The following ITPR1 variants were observed in gnomAD, a reference collection of about 807,000 sequenced individuals.
ITPR1 encodes the protein inositol 1,4,5-trisphosphate-gated calcium channel ITPR1.
ITPR1 carries 96 observed loss-of-function variants against 318.4 expected under a neutral mutation model. That is an observed-to-expected ratio of 0.30 (90% CI 0.26 to 0.36). The LOEUF (loss-of-function observed/expected upper bound fraction) is 0.36. Ranked by LOEUF, ITPR1 falls within the 10% of genes least tolerant of loss-of-function variation. The probability of loss-of-function intolerance (pLI) is 1.00; values close to 1 mark genes in which losing one functional copy is unlikely to be tolerated. For missense variants in ITPR1, 2,440 were observed against 3,460.2 expected, an observed-to-expected ratio of 0.71 and a Z score of 7.40; for synonymous variants, 1,312 against 1,289.9, an observed-to-expected ratio of 1.02 and a Z score of -0.37.
chr3:4,683,262 G>T (rs887995834), intron 26 of ITPR1, 124 bp from the exon 27 acceptor site: 1 of 895,652 alleles, frequency 1.1e-6, no homozygotes, highest in East Asian at 2.4e-5. Flanking sequence ...AATGAAAAGT[G>T]AAATTGCATG....
At chr3:4,816,693 T>TA (rs1301546749) in intron 59 of ITPR1, among the ~76,000 whole-genome samples, 1 of 152,240 alleles carries the variant, frequency 6.6e-6, no homozygotes, top group Non-Finnish European at 1.5e-5. Context: ...CCAGCCGTGA[T>TA]ACTAACGTTG....
At chr3:4,720,239 A>G (rs1385175507) in intron 40 of ITPR1, among the ~76,000 whole-genome samples, 2 of 152,210 alleles carry the variant, frequency 1.3e-5, no homozygotes, top group African/African-American at 4.8e-5. Flanking sequence ...CAAAGGGACA[A>G]TAATACAGAT....
chr3:4,835,280 T>G (rs2050816755), intron 60 of ITPR1, among the ~76,000 whole-genome samples: 1 of 152,224 alleles, frequency 6.6e-6, no homozygotes, highest in Non-Finnish European at 1.5e-5. Flanking sequence ...GTTGTAATAT[T>G]TAGACATGTC....
chr3:4,612,391 G>T (rs2092183307), intron 4 of ITPR1, among the ~76,000 whole-genome samples: 2 of 152,158 alleles, frequency 1.3e-5, no homozygotes, highest in South Asian at 4.2e-4. Flanking sequence ...AGCATCTGTG[G>T]ATTATGGAAT....
intron 50 of ITPR1, among the ~76,000 whole-genome samples, chr3:4,783,539 A>G (rs2046972071): frequency 6.6e-6 from 1 of 151,682 alleles, no homozygotes; most frequent in Non-Finnish European, 1.5e-5. Flanking sequence ...TCCCTAGGCT[A>G]CACAGAAAGC....
At chr3:4,617,139 G>A (rs774634124) in intron 4 of ITPR1, among the ~76,000 whole-genome samples, 1 of 152,010 alleles carries the variant, frequency 6.6e-6, no homozygotes, top group Non-Finnish European at 1.5e-5. Context: ...TCACAGTAGT[G>A]GCCCCAGTGT....
At chr3:4,694,434 TC>T (rs61249584) in intron 33 of ITPR1, among the ~76,000 whole-genome samples, 7,933 of 115,744 alleles carry the variant, frequency 0.069, 723 homozygotes, top group African/African-American at 0.21. Context: ...ATGACATATA[TC>T]ATATAATGTT....
chr3:4,713,321 C>A (rs1057401388), intron 39 of ITPR1, among the ~76,000 whole-genome samples: 1 of 152,164 alleles, frequency 6.6e-6, no homozygotes, highest in Admixed American at 6.5e-5. Context: ...AATCTGGAGA[C>A]CACAATTTTC....
At chr3:4,824,962 T>C (rs1430215536) in intron 60 of ITPR1, among the ~76,000 whole-genome samples, 1 of 152,206 alleles carries the variant, frequency 6.6e-6, no homozygotes, top group Non-Finnish European at 1.5e-5. Context: ...GGGAATGACA[T>C]GTCCTTTGGT....
At chr3:4,773,761 C>T (rs934314622) in intron 46 of ITPR1, among the ~76,000 whole-genome samples, 1 of 152,178 alleles carries the variant, frequency 6.6e-6, no homozygotes, top group African/African-American at 2.4e-5. Flanking sequence ...GCTGTGAAAT[C>T]CTCCTCTGGT....
chr3:4,740,674 G>A (rs1229243947), intron 44 of ITPR1, among the ~76,000 whole-genome samples: 4 of 152,110 alleles, frequency 2.6e-5, no homozygotes, highest in Non-Finnish European at 4.4e-5. Flanking sequence ...TTCCTGCCCC[G>A]GCTCCTGCAA....
In ITPR1 at chr3:4,846,290, A is replaced by G; in HGVS notation, c.*65A>G. 3.7e-6 allele frequency: 4 copies of G among 1,082,532 alleles called. No individual in the cohort carries two copies. Among genetic ancestry groups the G allele is most frequent in the Non-Finnish European group, 4.1e-6 (3 of 728,424 alleles). The allele number at this position is 1,082,532 out of a possible 1,614,324, so 67.1% of individuals were successfully genotyped here. On this transcript the variant is annotated 3_prime_UTR_variant, in exon 62 of 62. Coordinates refer to ENST00000649015, the MANE Select transcript of ITPR1 (RefSeq NM_001378452.1). The stretch of plus-strand genomic sequence containing the variant: ...ATTATTAGTGTGGGTATGGCTAATG[A>G]GTTCTGATTCACCCACGAAGGTTAC...
At chr3:4,781,024 G>A (rs188832411) in intron 49 of ITPR1, among the ~76,000 whole-genome samples, 52 of 152,370 alleles carry the variant, frequency 3.4e-4, no homozygotes, top group East Asian at 2.3e-3. Flanking sequence ...AATAGAACAC[G>A]TGTGTACATG....
At chr3:4,714,813 C>T (rs556355630) in intron 39 of ITPR1, among the ~76,000 whole-genome samples, 11 of 152,286 alleles carry the variant, frequency 7.2e-5, no homozygotes, top group African/African-American at 1.7e-4. Context: ...AAAACTTTGG[C>T]GTGCCTGTTT....
chr3:4,755,867 G>A (rs1255017847), intron 44 of ITPR1, among the ~76,000 whole-genome samples: 2 of 152,164 alleles, frequency 1.3e-5, no homozygotes, highest in Non-Finnish European at 2.9e-5. Flanking sequence ...TTGAAATGTT[G>A]ACACCTCTCC....
At chr3:4,637,654 C>G (rs1443254141) in intron 5 of ITPR1, among the ~76,000 whole-genome samples, 2 of 152,166 alleles carry the variant, frequency 1.3e-5, no homozygotes, top group Non-Finnish European at 2.9e-5. Context: ...TTTTAAAGAG[C>G]TGATACAGAT....
At chr3:4,700,802 G>T (rs1013844353) in intron 35 of ITPR1, among the ~76,000 whole-genome samples, 1 of 152,216 alleles carries the variant, frequency 6.6e-6, no homozygotes, top group African/African-American at 2.4e-5. Context: ...ACAGTTCCAT[G>T]TGGCTGGGGA....
intron 12 of ITPR1, among the ~76,000 whole-genome samples, chr3:4,657,358 CT>C (rs1180295049): frequency 2.7e-5 from 4 of 150,896 alleles, no homozygotes; most frequent in African/African-American, 4.9e-5. Context: ...CCCCTCTCCC[CT>C]AGCTCCTGCG....
intron 4 of ITPR1, among the ~76,000 whole-genome samples, chr3:4,529,575 A>G (rs2083252918): frequency 6.6e-6 from 1 of 152,204 alleles, no homozygotes; most frequent in Admixed American, 6.5e-5. Context: ...TGAGAAAATT[A>G]GAGGGATTTA....
Sources: gnomAD v4.1 joint callset for allele counts (sites outside exome capture counted in the v4.1 genomes callset) on GRCh38, gnomAD v4.1.1 for gene constraint, MANE v1.5 for transcripts, NCBI Gene and HGNC (gene_info 2026-07-23, HGNC 2026-07-21) for gene names.